SDK2: variants seen among roughly 807,000 people sequenced by gnomAD.
SDK2 encodes the protein protein sidekick-2.
SDK2 carries 105 observed loss-of-function variants against 253.9 expected under a neutral mutation model. The ratio of observed to expected loss-of-function variants is 0.41; its 90% CI spans 0.35 to 0.49. The LOEUF is 0.49. SDK2 is among the 20% of genes least tolerant of loss of function. The pLI, the probability that SDK2 is intolerant of heterozygous loss-of-function variation, is 0.06. For synonymous variants in SDK2, 1,249 were observed against 1,234.9 expected, an observed-to-expected ratio of 1.01 and a Z score of -0.24; for missense variants, 2,608 against 3,003.0, an observed-to-expected ratio of 0.87 and a Z score of 3.07.
In SDK2 at chr17:73,402,238, G is replaced by T. The variant is rs1000821400; in HGVS notation, c.2485-97C>A. On this transcript the variant is annotated intron_variant, in intron 18 of 44. Transcript: ENST00000392650. ...CTGGGCCAATCAACAGATGGTGTCC[G>T]GGGACCGGAGTCCCTGTGGTGCCTC... is the stretch of plus-strand genomic sequence containing the variant. 70 of 1,301,282 alleles carry T rather than the reference G, an allele frequency of 5.4e-5. No homozygotes were observed. The Middle Eastern group carries it at 8.3e-4, about 15-fold the overall frequency. 80.6% of individuals were successfully genotyped at this position (1,301,282 alleles called of 1,614,324 possible).
At chr17:73,402,764 C>T (rs1333267939) in intron 18 of SDK2, among the ~76,000 whole-genome samples, 2 of 152,102 alleles carry the variant, frequency 1.3e-5, no homozygotes, top group African/African-American at 2.4e-5. Flanking sequence ...CCACTATGCT[C>T]GGCCCAGCCC....
rs112008765 is a variant in SDK2, at chr17:73,440,108, CTTTTTTT to C, written c.725+697_725+703del. On this transcript the variant is annotated intron_variant, in intron 6 of 44. Coordinates refer to ENST00000392650, the MANE Select transcript of SDK2 (RefSeq NM_001144952.2). Reference sequence around the variant, plus strand: ...TCTGCCCTACTCCAAAGCCCATACTCTTTTTTTTTTTTTTTTGAGATGGAGTTTCACT... The same window carrying C: ...TCTGCCCTACTCCAAAGCCCATACTCTTTTTTTTTGAGATGGAGTTTCACT... 2.0e-3 allele frequency among the ~76,000 whole-genome samples: 272 copies of C among 138,694 alleles called. 1 individual carries two copies. The highest frequency in any genetic ancestry group is 3.0e-3 in the Non-Finnish European group (191 of 64,074). 91.0% of individuals were successfully genotyped at this position (138,694 alleles called of 152,430 possible). A position where few individuals can be genotyped will look rare whatever the true frequency, so the allele number is the denominator to read the frequency against.
At chr17:73,349,954 G>C (rs969192825) in intron 43 of SDK2, among the ~76,000 whole-genome samples, 2 of 152,142 alleles carry the variant, frequency 1.3e-5, no homozygotes, top group African/African-American at 4.8e-5. Context: ...GCATTCTACT[G>C]TCACTGTCAG....
At chr17:73,536,410 C>G (rs898177378) in intron 1 of SDK2, among the ~76,000 whole-genome samples, 1 of 152,210 alleles carries the variant, frequency 6.6e-6, no homozygotes, top group Non-Finnish European at 1.5e-5. Context: ...CCACCCCAAC[C>G]CCTCTCCAGC....
In SDK2 at chr17:73,565,964, C is replaced by T. The variant is rs977789975; in HGVS notation, c.65-58367G>A. On this transcript the variant is annotated intron_variant, in intron 1 of 44. Coordinates refer to ENST00000392650, the MANE Select transcript of SDK2 (RefSeq NM_001144952.2). ...TCAGCCTCCTGAGTAGCTGGGACTA[C>T]GGGCGCATGCCACCACACCCAGCTA... 2.6e-5 allele frequency among the ~76,000 whole-genome samples: 4 copies of T among 152,336 alleles called. No individual in the cohort carries two copies. In the South Asian group the frequency reaches 8.3e-4, roughly 32 times the overall value.
intron 1 of SDK2, among the ~76,000 whole-genome samples, chr17:73,544,143 T>C (rs935745206): frequency 6.6e-6 from 1 of 152,226 alleles, no homozygotes; most frequent in Non-Finnish European, 1.5e-5. Flanking sequence ...GTCCCCTGTA[T>C]GTACAAAGAG....
At position 73,379,035 on chromosome 17, in the gene SDK2, C is replaced by A. The variant is rs1343524412; in HGVS notation, c.4980+142G>T. 1 of 644,518 alleles carries A rather than the reference C, an allele frequency of 1.6e-6. No homozygotes were observed. The allele number at this position is 644,518 out of a possible 1,614,324, so 39.9% of individuals were successfully genotyped here. On this transcript the variant is annotated intron_variant, in intron 36 of 44. Transcript: ENST00000392650. The surrounding 1 kb of genome is among the most constrained non-coding windows in gnomAD (Gnocchi z 4.5). ...CAAACAGCCAAGGTGGCAGGTGTAC[C>A]ACAGAGCCTGAAGGGCCGAGGAGCT...
At chr17:73,518,094 C>CA (rs1308682113) in intron 1 of SDK2, 1 of 152,248 alleles carries the variant, frequency 6.6e-6, no homozygotes, top group African/African-American at 2.4e-5. Flanking sequence ...TGCAGAAGAG[C>CA]CCAGATCCAT....
At chr17:73,373,681 G>C (rs1339102813) in intron 36 of SDK2, among the ~76,000 whole-genome samples, 6 of 151,718 alleles carry the variant, frequency 4.0e-5, no homozygotes, top group Admixed American at 3.9e-4. Context: ...TTTTGAGTTG[G>C]AGTCTTGCTC....
At chr17:73,392,506 T>C (rs1000635503) in intron 27 of SDK2, among the ~76,000 whole-genome samples, 2 of 152,054 alleles carry the variant, frequency 1.3e-5, no homozygotes, top group African/African-American at 4.8e-5. Context: ...TGACCTCAAG[T>C]GGTCTGCCTG....
chr17:73,523,710 G>A (rs373378224), intron 1 of SDK2, among the ~76,000 whole-genome samples: 5 of 152,192 alleles, frequency 3.3e-5, no homozygotes, highest in African/African-American at 4.8e-5. Context: ...AATTTCTGTT[G>A]TTTGCAGCCA....
Position 73,534,529 on chromosome 17 carries a change from G to A in SDK2, c.65-26932C>T, listed in dbSNP as rs755641613. On this transcript the variant is annotated intron_variant, in intron 1 of 44. Transcript: ENST00000392650. This position sits in a 1 kb window ranked among gnomAD's most constrained non-coding sequence, Gnocchi z 4.9. ...GACAGACAGGAGGGAGGAGGAAGGA[G>A]AAGTAAAGTCACAAAAGGGAGGGAT... Among the ~76,000 whole-genome samples the A allele has an allele frequency of 4.1e-4, 62 of 152,102 alleles. No homozygotes were observed. The highest frequency in any genetic ancestry group is 6.9e-4 in the Non-Finnish European group (47 of 68,026).
At chr17:73,425,370 G>A (rs2063272907) in intron 12 of SDK2, among the ~76,000 whole-genome samples, 1 of 152,262 alleles carries the variant, frequency 6.6e-6, no homozygotes, top group Non-Finnish European at 1.5e-5. Context: ...ATTTGAATGT[G>A]TGCATATCTT....
intron 1 of SDK2, among the ~76,000 whole-genome samples, chr17:73,526,067 C>G (rs1416889670): frequency 6.6e-6 from 1 of 152,226 alleles, no homozygotes; most frequent in Non-Finnish European, 1.5e-5. Flanking sequence ...GCACAGCTTA[C>G]AGGACCGTAA....
At chr17:73,543,893 C>T (rs886762581) in intron 1 of SDK2, among the ~76,000 whole-genome samples, 1 of 152,166 alleles carries the variant, frequency 6.6e-6, no homozygotes, top group African/African-American at 2.4e-5. Flanking sequence ...ACACTCATCA[C>T]GGGGAAGAGG....
At chr17:73,495,012 C>A (rs1599619957) in intron 2 of SDK2, among the ~76,000 whole-genome samples, 1 of 152,246 alleles carries the variant, frequency 6.6e-6, no homozygotes, top group Non-Finnish European at 1.5e-5. Context: ...CTTCTCTGCG[C>A]AGTGGAGGTG....
At position 73,387,897 on chromosome 17, in the gene SDK2, C is replaced by T. The variant is rs147771806; in HGVS notation, c.4333G>A (p.Gly1445Ser). The change falls in exon 30 of 45, where the codon GGC (glycine) becomes AGC (serine). Residue 1445 changes from glycine (G) to serine (S), a missense_variant. Around this residue, in one of 2 missense-constraint regions of SDK2, gnomAD observed 1,103 missense variants for 1,143.9 expected, o/e 0.96. Coordinates refer to ENST00000392650, the MANE Select transcript of SDK2 (RefSeq NM_001144952.2). ...YTIQTRELPS[G>S]RWALHSASVS... ...GAGGCCGAGTGCAGTGCCCACCTGC[C>T]GCTGGGCAGCTCGCGGGTCTGGATG... 1.3e-4 allele frequency: 211 copies of T among 1,592,690 alleles called. No individual in the cohort carries two copies. In the South Asian group the frequency reaches 2.0e-3, roughly 15 times the overall value.
Position 73,465,910 on chromosome 17 carries a change from T to C in SDK2, c.331+6202A>G, listed in dbSNP as rs1260749722. ...TGGGAAAAGTGACCATACCCCACCCTCTCTCAGAACTGTGTGCCATCTGCG... is the reference window on the plus strand; with the variant it reads ...TGGGAAAAGTGACCATACCCCACCCCCTCTCAGAACTGTGTGCCATCTGCG... On this transcript the variant is annotated intron_variant, in intron 3 of 44. Coordinates refer to ENST00000392650, the MANE Select transcript of SDK2 (RefSeq NM_001144952.2). This position sits in a 1 kb window ranked among gnomAD's most constrained non-coding sequence, Gnocchi z 4.2. Among the ~76,000 whole-genome samples, 1 of 152,118 alleles carries C rather than the reference T, an allele frequency of 6.6e-6. No individual in the cohort carries two copies. Among genetic ancestry groups the C allele is most frequent in the Non-Finnish European group, 1.5e-5 (1 of 68,030 alleles).
In SDK2 at chr17:73,483,685, ATATATATATATATATATATATATTT is replaced by A. The variant is rs1567799380; in HGVS notation, c.225-11492_225-11468del. Among the ~76,000 whole-genome samples, 3 of 64,356 alleles carry A rather than the reference ATATATATATATATATATATATATTT, an allele frequency of 4.7e-5. 1 individual carries two copies. Among genetic ancestry groups the A allele is most frequent in the African/African-American group, 1.8e-4 (3 of 16,418 alleles). 42.2% of individuals were successfully genotyped at this position (64,356 alleles called of 152,430 possible). On this transcript the variant is annotated intron_variant, in intron 2 of 44. Transcript: ENST00000392650. ...TGTATATATATATATATATATATTT[ATATATATATATATATATATATATTT>A]TTTTTTTTTTTTAGTAGAGTTGGGG... is the stretch of plus-strand genomic sequence containing the variant.
Sources: allele counts gnomAD v4.1 joint callset (sites outside exome capture counted in the v4.1 genomes callset), GRCh38; gene constraint gnomAD v4.1.1; regional missense constraint gnomAD v4.1.1; non-coding constraint Gnocchi (gnomAD v3.1); transcripts MANE v1.5; gene names NCBI Gene and HGNC (gene_info 2026-07-23, HGNC 2026-07-21).